HPGD: variants seen among roughly 807,000 people sequenced by gnomAD.
HPGD encodes the protein 15-hydroxyprostaglandin dehydrogenase [NAD(+)].
HPGD carries 29 observed loss-of-function variants against 30.0 expected under a neutral mutation model. That is an observed-to-expected ratio of 0.97 (90% confidence interval 0.72 to 1.32). HPGD has a LOEUF of 1.32. Ranked by LOEUF, HPGD falls within the 40% of genes most tolerant of loss-of-function variation. The pLI, the probability that HPGD is intolerant of heterozygous loss-of-function variation, is 0.00. For missense variants in HPGD, 340 were observed against 322.1 expected (o/e 1.06, Z -0.43); for synonymous variants, 99 against 112.4 (o/e 0.88, Z 0.75).
chr4:174,504,653 CAA>C (rs1170458446), intron 4 of HPGD, among the ~76,000 whole-genome samples: 30 of 130,778 alleles, frequency 2.3e-4, no homozygotes, highest in African/African-American at 5.4e-4. Flanking sequence ...ACTAAAAATA[CAA>C]AAAAAAAAAA....
intron 5 of HPGD, among the ~76,000 whole-genome samples, chr4:174,493,697 T>C (rs893366999): frequency 6.6e-6 from 1 of 152,214 alleles, no homozygotes; most frequent in Non-Finnish European, 1.5e-5. Context: ...AAAAGACTTT[T>C]AGTGAAAATG....
chr4:174,521,773 T>C (rs1386340226), intron 2 of HPGD, among the ~76,000 whole-genome samples, 171 bp downstream of exon 2: 1 of 152,240 alleles, frequency 6.6e-6, no homozygotes, highest in African/African-American at 2.4e-5. Context: ...TTTACAGCTA[T>C]TGGGCTGTCA....
intron 3 of HPGD, among the ~76,000 whole-genome samples, chr4:174,516,783 G>T (rs909586324): frequency 6.6e-6 from 1 of 152,200 alleles, no homozygotes; most frequent in Admixed American, 6.5e-5. Context: ...CTTTTGTGAA[G>T]AAGTGTCATC....
chr4:174,508,618 A>G (rs547736703), intron 4 of HPGD, 78 bp downstream of exon 4: 2 of 854,176 alleles, frequency 2.3e-6, no homozygotes, highest in African/African-American at 1.6e-5. Flanking sequence ...CTGATAATAA[A>G]TATGCTTTGA....
chr4:174,501,251 G>GT (rs902902611), intron 4 of HPGD, among the ~76,000 whole-genome samples: 23 of 152,032 alleles, frequency 1.5e-4, no homozygotes, highest in Admixed American at 6.6e-4. Flanking sequence ...ACTAATATGG[G>GT]TTTTTTTTAA....
chr4:174,522,486 C>T lies in HPGD; in HGVS notation c.-35G>A, dbSNP rs1736210462. The T allele has an allele frequency of 6.8e-7, 1 of 1,481,328 alleles. No individual in the cohort carries two copies. Among genetic ancestry groups the T allele is most frequent in the Non-Finnish European group, 9.1e-7 (1 of 1,103,990 alleles). 91.8% of individuals were successfully genotyped at this position (1,481,328 alleles called of 1,614,324 possible). A position where few individuals can be genotyped will look rare whatever the true frequency, so the allele number is the denominator to read the frequency against. On this transcript the variant is annotated 5_prime_UTR_variant, in exon 1 of 7. Transcript: ENST00000296522. ...ACTGCTGGGGCGGGCGGTGGGCGAGCTCCGCGTCTCCGCGCGGCCGCGGCT... is the reference window on the plus strand; with the variant it reads ...ACTGCTGGGGCGGGCGGTGGGCGAGTTCCGCGTCTCCGCGCGGCCGCGGCT...
At chr4:174,519,435 T>C (rs1183205186) in intron 2 of HPGD, among the ~76,000 whole-genome samples, 2 of 152,102 alleles carry the variant, frequency 1.3e-5, no homozygotes, top group Non-Finnish European at 2.9e-5. Context: ...GGATGATCTC[T>C]GTCAGGCCTC....
upstream of HPGD, chr4:174,522,612 C>T (rs891134264): frequency 9.4e-6 from 5 of 531,108 alleles, no homozygotes; most frequent in Non-Finnish European, 1.6e-5. Flanking sequence ...GGGGAACCCA[C>T]GACTGTGTCA....
intron 3 of HPGD, 38 bp from the exon 4 acceptor site, chr4:174,508,830 A>G: frequency 9.2e-7 from 1 of 1,087,356 alleles, no homozygotes; most frequent in Non-Finnish European, 1.4e-6. Context: ...GAATACAGTC[A>G]TTATCCTTTC....
At chr4:174,522,489 C>T, upstream of HPGD, 2 of 1,473,416 alleles carry the variant, frequency 1.4e-6, no homozygotes, top group Non-Finnish European at 1.8e-6. Context: ...GGGCGAGCTC[C>T]GCGTCTCCGC....
chr4:174,493,405 G>A, intron 5 of HPGD, 91 bp from the exon 6 acceptor site: 1 of 1,264,126 alleles, frequency 7.9e-7, no homozygotes. Flanking sequence ...ATTTTCTGAT[G>A]TAAAAAATAC....
intron 4 of HPGD, among the ~76,000 whole-genome samples, chr4:174,506,100 C>T (rs45446798): frequency 2.6e-5 from 4 of 152,014 alleles, no homozygotes; most frequent in South Asian, 2.1e-4. Flanking sequence ...CTGGGGTTGG[C>T]GGGAGGTGGC....
In HPGD at chr4:174,497,568, C is replaced by CTTT. The variant is rs778825547; in HGVS notation, c.422-1947_422-1945dup. Among the ~76,000 whole-genome samples, 37 of 51,076 alleles carry CTTT rather than the reference C, an allele frequency of 7.2e-4. 3 individuals are homozygous for CTTT. The highest frequency in any genetic ancestry group is 2.0e-3 in the African/African-American group (30 of 14,950). 33.5% of individuals were successfully genotyped at this position (51,076 alleles called of 152,430 possible). Reference sequence around the variant, plus strand: ...CACTTTCTTTTCTTTCTTTTTCTTTCTTTTTTTTTTTTTTTTTTTTTTTTT... The same window carrying CTTT: ...CACTTTCTTTTCTTTCTTTTTCTTTCTTTTTTTTTTTTTTTTTTTTTTTTTTTT... On this transcript the variant is annotated intron_variant, in intron 4 of 6. Transcript: ENST00000296522.
rs1560975387 is a variant in HPGD at position 174,494,699 on chromosome 4, CTCTT to C, written c.498+845_498+848del. 6.6e-6 allele frequency among the ~76,000 whole-genome samples: 1 copy of C among 152,186 alleles called. No individual in the cohort carries two copies. The highest frequency in any genetic ancestry group is 2.4e-5 in the African/African-American group (1 of 41,428). ...TTTTCTCTTCATCTCTCTAGCTGCT[CTCTT>C]TGTCTCACCTAGATGAACCACCCAG... On this transcript the variant is annotated intron_variant, in intron 5 of 6. Coordinates refer to ENST00000296522, the MANE Select transcript of HPGD (RefSeq NM_000860.6). This position sits in a 1 kb window ranked among gnomAD's most constrained non-coding sequence, Gnocchi z 4.9.
At chr4:174,499,437 A>G (rs1209804741) in intron 4 of HPGD, among the ~76,000 whole-genome samples, 1 of 152,136 alleles carries the variant, frequency 6.6e-6, no homozygotes, top group East Asian at 1.9e-4. Context: ...AGATATAAAC[A>G]TATCTCAGTT....
At chr4:174,511,197 G>C (rs1056305841) in intron 3 of HPGD, among the ~76,000 whole-genome samples, 3 of 137,344 alleles carry the variant, frequency 2.2e-5, no homozygotes, top group Non-Finnish European at 4.7e-5. Context: ...CAAATCTTTA[G>C]TCAATAAGTG....
At chr4:174,510,848 C>G (rs935637286) in intron 3 of HPGD, among the ~76,000 whole-genome samples, 4 of 152,082 alleles carry the variant, frequency 2.6e-5, no homozygotes, top group Non-Finnish European at 5.9e-5. Context: ...ACCATGTTGG[C>G]CAGGCTGGTC....
intron 3 of HPGD, among the ~76,000 whole-genome samples, chr4:174,513,650 G>C (rs2254350): frequency 0.058 from 8,752 of 151,884 alleles, 819 homozygotes; most frequent in African/African-American, 0.2. Context: ...ACAGATTAGA[G>C]GATTCTAAGA....
chr4:174,495,531 G>A lies in HPGD; in HGVS notation c.498+17C>T, dbSNP rs371954826. 3.2e-5 allele frequency: 50 copies of A among 1,572,278 alleles called. No individual in the cohort carries two copies. The highest frequency in any genetic ancestry group is 1.3e-4 in the East Asian group (6 of 44,648). ...GTACAAAGAGAAAATGAGATATGAC[G>A]GTTGTTGTAGCCTCACCGCTGCTGA... On this transcript the variant is annotated intron_variant, in intron 5 of 6. Coordinates refer to ENST00000296522, the MANE Select transcript of HPGD (RefSeq NM_000860.6).
Sources: gnomAD v4.1 joint callset for allele counts (sites outside exome capture counted in the v4.1 genomes callset) on GRCh38, gnomAD v4.1.1 for gene constraint, Gnocchi (gnomAD v3.1) non-coding constraint, MANE v1.5 for transcripts, NCBI Gene and HGNC (gene_info 2026-07-23, HGNC 2026-07-21) for gene names.